Variants in FLT3LG observed in about 807,000 individuals in gnomAD.
FLT3LG encodes the protein fms-related tyrosine kinase 3 ligand.
In FLT3LG, 8 loss-of-function variants were observed where a neutral mutation model predicts 30.9. The observed-to-expected ratio is 0.26, with a 90% CI of 0.15 to 0.47. FLT3LG has a LOEUF of 0.47. Among genes scored for constraint, FLT3LG ranks in the 20% least tolerant of loss-of-function variants. FLT3LG has a pLI of 0.99. For missense variants in FLT3LG, 278 were observed against 306.2 expected (o/e 0.91, Z 0.69); for synonymous variants, 123 against 135.9 (o/e 0.91, Z 0.66).
At chr19:49,482,849 G>A (rs1026892350) in intron 8 of FLT3LG, among the ~76,000 whole-genome samples, 3 of 151,492 alleles carry the variant, frequency 2.0e-5, no homozygotes, top group Non-Finnish European at 2.9e-5. Context: ...GGCTGGTCTC[G>A]AACTCCTGAC....
rs781743527 is a variant in FLT3LG at position 49,480,453 on chromosome 19, A to T, written c.637A>T (p.Arg213Trp). ...CCTGCACTGGCAGAGGACGCGGCGG[A>T]GGACACCCCGCCCTGGGGAGCAGGT... Reference protein sequence around the residue: ...WCLHWQRTRRRTPRPGEQVPP... With the variant: ...WCLHWQRTRRWTPRPGEQVPP... The change falls in exon 7 of 9, where the codon AGG becomes TGG. Residue 213 changes from arginine to tryptophan, a missense_variant. By Grantham distance (101) the Arg-to-Trp change is moderately radical. Around this residue, in one of 3 missense-constraint regions of FLT3LG, gnomAD observed 170 missense variants for 162.0 expected, o/e 1.05. Transcript: ENST00000597551. 5.3e-5 allele frequency: 84 copies of T among 1,590,586 alleles called. No individual in the cohort carries two copies. The highest frequency in any genetic ancestry group is 7.2e-5 in the Non-Finnish European group (84 of 1,169,120).
At chr19:49,478,778 A>T (rs567387015) in intron 5 of FLT3LG, 131 bp from the exon 6 acceptor site, 13 of 813,590 alleles carry the variant, frequency 1.6e-5, no homozygotes, top group South Asian at 6.4e-5. Flanking sequence ...AATTAATTAA[A>T]TAAATAAACT....
chr19:49,480,700 T>C lies in FLT3LG; in HGVS notation c.*21+80T>C, dbSNP rs774679491. 1.9e-4 allele frequency: 268 copies of C among 1,440,264 alleles called. 1 individual carries two copies. The highest frequency in any genetic ancestry group is 5.0e-4 in the East Asian group (20 of 40,356). The allele number at this position is 1,440,264 out of a possible 1,614,324, so 89.2% of individuals were successfully genotyped here. A position where few individuals can be genotyped will look rare whatever the true frequency, so the allele number is the denominator to read the frequency against. On this transcript the variant is annotated intron_variant, in intron 8 of 8. Transcript: ENST00000597551. ...TCACTAGGAGGCCATGGAAGGGTGG[T>C]GAGCAGTGGAGGGGCAGGGGCAGCT...
chr19:49,478,431 T>C (rs139038552), intron 5 of FLT3LG, among the ~76,000 whole-genome samples: 2,038 of 151,604 alleles, frequency 0.013, 15 homozygotes, highest in Non-Finnish European at 0.022. Context: ...TGCGCCACTG[T>C]ACTCCAGCCT....
At chr19:49,480,669 G>T (rs768636521) in intron 8 of FLT3LG, 49 bp downstream of exon 8, 2 of 1,549,960 alleles carry the variant, frequency 1.3e-6, no homozygotes, top group East Asian at 4.8e-5. Context: ...CTGCAGGTTG[G>T]GAGGGTCACT....
Position 49,479,053 on chromosome 19 carries a change from G to C in FLT3LG, c.481+6G>C, listed in dbSNP as rs750427971. 2 of 1,604,400 alleles carry C rather than the reference G, an allele frequency of 1.2e-6. No individual in the cohort carries two copies. Among genetic ancestry groups the C allele is most frequent in the Admixed American group, 1.7e-5 (1 of 59,344 alleles). On this transcript the variant is annotated splice_donor_region_variant and intron_variant, in intron 6 of 8. Coordinates refer to ENST00000597551, the MANE Select transcript of FLT3LG (RefSeq NM_001459.4). Reference sequence around the variant, plus strand: ...GGAGCTGCAGTGTCAGCCCGGTAAAGGCTTCCAGGCACCCCCACTCCTTCC... The same window carrying C: ...GGAGCTGCAGTGTCAGCCCGGTAAACGCTTCCAGGCACCCCCACTCCTTCC...
At chr19:49,483,359 G>A (rs1021750702) in intron 8 of FLT3LG, among the ~76,000 whole-genome samples, 7 of 150,768 alleles carry the variant, frequency 4.6e-5, no homozygotes, top group African/African-American at 7.3e-5. Context: ...CTCGTGATCC[G>A]CCCGCCTCAG....
rs2079553779 is a variant in FLT3LG, at chr19:49,480,214, A to C, written c.482-84A>C. On this transcript the variant is annotated intron_variant, in intron 6 of 8. Transcript: ENST00000597551. ...GAGGCCAAGCAGCCCATCCAAGGTCACACAGCCAGTGGCAGCCAGGCCTCT... is the reference window on the plus strand; with the variant it reads ...GAGGCCAAGCAGCCCATCCAAGGTCCCACAGCCAGTGGCAGCCAGGCCTCT... The C allele has an allele frequency of 7.9e-6, 8 of 1,015,506 alleles. No homozygotes were observed. The Admixed American group carries it at 1.9e-4, about 24-fold the overall frequency. 62.9% of individuals were successfully genotyped at this position (1,015,506 alleles called of 1,614,324 possible). A position where few individuals can be genotyped will look rare whatever the true frequency, so the allele number is the denominator to read the frequency against.
chr19:49,477,690 C>T (rs985843000), intron 5 of FLT3LG, among the ~76,000 whole-genome samples: 4 of 151,254 alleles, frequency 2.6e-5, no homozygotes, highest in East Asian at 1.9e-4. Context: ...TGCAGTGAGC[C>T]GAGATCACAC....
chr19:49,474,788 G>A (rs2122465243), intron 2 of FLT3LG, 116 bp downstream of exon 2: 2 of 1,168,754 alleles, frequency 1.7e-6, no homozygotes, highest in South Asian at 1.3e-5. Context: ...GAAATAGGAG[G>A]GGAGATGGAC....
Position 49,476,760 on chromosome 19 carries a change from G to A in FLT3LG, c.342+194G>A. Reference sequence around the variant, plus strand: ...AGGCACCGGTGATGGGGAGCAGTCTGGTCCCATTCTGGGGCCCCGGTTTCC... The same window carrying A: ...AGGCACCGGTGATGGGGAGCAGTCTAGTCCCATTCTGGGGCCCCGGTTTCC... On this transcript the variant is annotated intron_variant, in intron 5 of 8. Transcript: ENST00000597551. This position sits in a 1 kb window ranked among gnomAD's most constrained non-coding sequence, Gnocchi z 5.3. The A allele has an allele frequency of 1.5e-6, 1 of 686,636 alleles. No homozygotes were observed. The highest frequency in any genetic ancestry group is 2.3e-6 in the Non-Finnish European group (1 of 428,292). 42.5% of individuals were successfully genotyped at this position (686,636 alleles called of 1,614,324 possible). A position where few individuals can be genotyped will look rare whatever the true frequency, so the allele number is the denominator to read the frequency against.
At chr19:49,485,417 TTTTG>T (rs1171128463) in intron 8 of FLT3LG, among the ~76,000 whole-genome samples, 5 of 151,330 alleles carry the variant, frequency 3.3e-5, no homozygotes, top group East Asian at 2.0e-4. Context: ...GCCTAGCAAA[TTTTG>T]TTTTTGTTTT....
At chr19:49,485,689 T>C (rs1407798426) in intron 8 of FLT3LG, among the ~76,000 whole-genome samples, 1 of 152,080 alleles carries the variant, frequency 6.6e-6, no homozygotes, top group African/African-American at 2.4e-5. Flanking sequence ...GCCCTAATTT[T>C]GTATTTTTAG....
chr19:49,475,840 C>T, intron 3 of FLT3LG, 39 bp downstream of exon 3: 2 of 1,570,244 alleles, frequency 1.3e-6, no homozygotes, highest in Non-Finnish European at 8.7e-7. Context: ...TGTGATCCCC[C>T]TTCCCCCCAC....
intron 2 of FLT3LG, among the ~76,000 whole-genome samples, chr19:49,475,342 G>C (rs1328739934): frequency 2.0e-5 from 3 of 152,016 alleles, no homozygotes; most frequent in African/African-American, 7.2e-5. Context: ...GAGAGAAGCA[G>C]GCAACAGTGG....
intron 2 of FLT3LG, 142 bp from the exon 3 acceptor site, chr19:49,475,549 T>C: frequency 9.1e-7 from 1 of 1,093,742 alleles, no homozygotes; most frequent in South Asian, 1.6e-5. Context: ...GATGGGGCCA[T>C]GTCTCCAGAA....
intron 6 of FLT3LG, among the ~76,000 whole-genome samples, chr19:49,479,904 A>C (rs552891432): frequency 9.2e-5 from 14 of 151,936 alleles, no homozygotes; most frequent in African/African-American, 2.9e-4. Context: ...TCCAGGGTTC[A>C]AGCGAATCTT....
Position 49,476,216 on chromosome 19 carries a change from G to C in FLT3LG, c.198+18G>C. 1 of 1,602,788 alleles carries C rather than the reference G, an allele frequency of 6.2e-7. No individual in the cohort carries two copies. The highest frequency in any genetic ancestry group is 8.5e-7 in the Non-Finnish European group (1 of 1,171,652). On this transcript the variant is annotated intron_variant, in intron 4 of 8. Coordinates refer to ENST00000597551, the MANE Select transcript of FLT3LG (RefSeq NM_001459.4). The surrounding 1 kb of genome is among the most constrained non-coding windows in gnomAD (Gnocchi z 5.3). ...TGCAGGACGTAAGTCATGTTGGGAG[G>C]GACCTGGGATGGAGGTGGGGACCAC...
chr19:49,477,675 G>C (rs1182786148), intron 5 of FLT3LG, among the ~76,000 whole-genome samples: 1 of 152,010 alleles, frequency 6.6e-6, no homozygotes, highest in Non-Finnish European at 1.5e-5. Flanking sequence ...CCAGGAGGCA[G>C]AGGTTGCAGT....
Sources: allele counts gnomAD v4.1 joint callset (sites outside exome capture counted in the v4.1 genomes callset), GRCh38; gene constraint gnomAD v4.1.1; regional missense constraint gnomAD v4.1.1; non-coding constraint Gnocchi (gnomAD v3.1); transcripts MANE v1.5; gene names NCBI Gene and HGNC (gene_info 2026-07-23, HGNC 2026-07-21).